EML1: variants seen among roughly 807,000 people sequenced by gnomAD.
EML1 encodes EMAP like 1.
In EML1, 27 loss-of-function variants were observed where a neutral mutation model predicts 110.4. That is an observed-to-expected ratio of 0.24 (90% CI 0.18 to 0.34). The LOEUF (loss-of-function observed/expected upper bound fraction) is 0.34, where lower values mean the gene tolerates loss of function less well. EML1 is among the 10% of genes least tolerant of loss of function. The probability of loss-of-function intolerance (pLI) is 1.00; values close to 1 mark genes in which losing one functional copy is unlikely to be tolerated. For synonymous variants in EML1, 344 were observed against 385.8 expected, an observed-to-expected ratio of 0.89 and a Z score of 1.27; for missense variants, 741 against 1,030.9, an observed-to-expected ratio of 0.72 and a Z score of 3.85.
chr14:99,849,281 G>C (rs1047144726), intron 1 of EML1, among the ~76,000 whole-genome samples: 11 of 152,254 alleles, frequency 7.2e-5, no homozygotes, highest in African/African-American at 2.4e-4. Flanking sequence ...GTACTTTAAA[G>C]ATGTAGTTCC....
chr14:99,813,665 G>A (rs890672136), intron 1 of EML1, among the ~76,000 whole-genome samples: 2 of 152,102 alleles, frequency 1.3e-5, no homozygotes, highest in Non-Finnish European at 1.5e-5. Flanking sequence ...CTACAATCAT[G>A]CCACAGCTCT....
At chr14:99,859,024 A>G (rs1299892860) in intron 2 of EML1, among the ~76,000 whole-genome samples, 1 of 152,244 alleles carries the variant, frequency 6.6e-6, no homozygotes, top group Non-Finnish European at 1.5e-5. Context: ...TATCAAAAAA[A>G]TGCATTAGTA....
intron 4 of EML1, among the ~76,000 whole-genome samples, chr14:99,879,187 A>G (rs1370594500): frequency 6.6e-6 from 1 of 152,172 alleles, no homozygotes; most frequent in East Asian, 1.9e-4. Context: ...ATGGATTATG[A>G]TAAGTATCAG....
At chr14:99,803,652 C>T (rs2057921056) in intron 1 of EML1, among the ~76,000 whole-genome samples, 1 of 152,234 alleles carries the variant, frequency 6.6e-6, no homozygotes, top group Non-Finnish European at 1.5e-5. Flanking sequence ...GGTGGTTTCA[C>T]TGGCTTAAAA....
upstream of EML1, among the ~76,000 whole-genome samples, chr14:99,772,025 G>A (rs963809296): frequency 6.6e-6 from 1 of 152,122 alleles, no homozygotes; most frequent in African/African-American, 2.4e-5. Context: ...GGTATGTGTC[G>A]ATTGACCGTT....
At chr14:99,756,269 G>A (rs528343872) in intron 1 of EML1, among the ~76,000 whole-genome samples, 22 of 152,342 alleles carry the variant, frequency 1.4e-4, no homozygotes, top group Admixed American at 1.4e-3. Flanking sequence ...ACTTAAGGGG[G>A]TTTGGTGGTG....
At chr14:99,924,183 T>TC (rs1340934672) in intron 17 of EML1, among the ~76,000 whole-genome samples, 3 of 152,184 alleles carry the variant, frequency 2.0e-5, no homozygotes, top group Admixed American at 1.3e-4. Context: ...AATAAGTGTT[T>TC]TTTTTATGCC....
intron 5 of EML1, among the ~76,000 whole-genome samples, chr14:99,893,268 G>A (rs1191999318): frequency 6.6e-6 from 1 of 151,842 alleles, no homozygotes; most frequent in Non-Finnish European, 1.5e-5. Context: ...CCGTAAACCT[G>A]GTTTGGGCCT....
chr14:99,872,484 TTACTC>T (rs2059222540), intron 3 of EML1, among the ~76,000 whole-genome samples: 1 of 152,204 alleles, frequency 6.6e-6, no homozygotes, highest in African/African-American at 2.4e-5. Flanking sequence ...ATCCGTTTGA[TTACTC>T]TAATAAGCTA....
intron 17 of EML1, among the ~76,000 whole-genome samples, chr14:99,926,284 G>GTT (rs11407717): frequency 2.0e-3 from 303 of 149,288 alleles, no homozygotes; most frequent in African/African-American, 6.2e-3. Flanking sequence ...GTTTTTTGGG[G>GTT]TTTTTTTTTT....
chr14:99,828,134 C>T (rs1190616344), intron 1 of EML1, among the ~76,000 whole-genome samples: 1 of 152,126 alleles, frequency 6.6e-6, no homozygotes, highest in Non-Finnish European at 1.5e-5. Context: ...CTTGTTAGCT[C>T]TTTTGTTTTG....
intron 1 of EML1, among the ~76,000 whole-genome samples, chr14:99,749,932 G>C (rs1001643637): frequency 1.3e-5 from 2 of 152,226 alleles, no homozygotes; most frequent in Non-Finnish European, 2.9e-5. Context: ...GGGTGACATC[G>C]TGCTCCTTGG....
At chr14:99,791,531 C>T, upstream of EML1, among the ~76,000 whole-genome samples, 1 of 152,304 alleles carries the variant, frequency 6.6e-6, no homozygotes, top group South Asian at 2.1e-4. Context: ...AATCTCAATT[C>T]TTTCTCTCCA....
intron 5 of EML1, among the ~76,000 whole-genome samples, chr14:99,893,454 C>G (rs989125130): frequency 1.3e-5 from 2 of 152,206 alleles, no homozygotes; most frequent in African/African-American, 4.8e-5. Flanking sequence ...GTTCATGACT[C>G]TCACTCAACG....
chr14:99,850,953 A>G lies in EML1; in HGVS notation c.168A>G (p.Lys56=). Reference sequence around the variant, plus strand: ...AAGAAGACGACATCCAGCTGCTCAAATCAGCTCTAGCTGATGTGGTTCGGC... The same window carrying G: ...AAGAAGACGACATCCAGCTGCTCAAGTCAGCTCTAGCTGATGTGGTTCGGC... ...QMQEDDIQLL[K]SALADVVRRL... The change falls in exon 2 of 22, where the codon AAA becomes AAG. Residue 56 remains lysine (K), a synonymous_variant. Transcript: ENST00000262233. The G allele has an allele frequency of 6.2e-7, 1 of 1,614,220 alleles. No individual in the cohort carries two copies.
intron 1 of EML1, among the ~76,000 whole-genome samples, chr14:99,780,703 T>A (rs1293523286): frequency 6.6e-6 from 1 of 152,176 alleles, no homozygotes; most frequent in African/African-American, 2.4e-5. Flanking sequence ...TGACACTGTA[T>A]TTTTAATATA....
intron 17 of EML1, 145 bp downstream of exon 17, chr14:99,921,022 G>A (rs959014699): frequency 7.3e-6 from 5 of 681,192 alleles, no homozygotes; most frequent in African/African-American, 3.7e-5. Flanking sequence ...CATCACCCAC[G>A]TATTAAGCCC....
chr14:99,940,248 T>C lies in EML1; in HGVS notation c.*136T>C, dbSNP rs1037793081. The C allele has an allele frequency of 1.6e-6, 2 of 1,244,154 alleles. No homozygotes were observed. The highest frequency in any genetic ancestry group is 1.5e-5 in the African/African-American group (1 of 64,830). 77.1% of individuals were successfully genotyped at this position (1,244,154 alleles called of 1,614,324 possible). A position where few individuals can be genotyped will look rare whatever the true frequency, so the allele number is the denominator to read the frequency against. ...AAACTGTGCCCTCCGCCGGCTACCTTAGCTTAGCGTGTCAGCGGGCGCCAC... is the reference window on the plus strand; with the variant it reads ...AAACTGTGCCCTCCGCCGGCTACCTCAGCTTAGCGTGTCAGCGGGCGCCAC... On this transcript the variant is annotated 3_prime_UTR_variant, in exon 22 of 22. Coordinates refer to ENST00000262233, the MANE Select transcript of EML1 (RefSeq NM_004434.3).
chr14:99,841,774 G>T (rs1454803864), intron 1 of EML1, among the ~76,000 whole-genome samples: 4 of 152,074 alleles, frequency 2.6e-5, no homozygotes, highest in African/African-American at 9.7e-5. Flanking sequence ...TCTACCCTGT[G>T]CCCATAGAGT....
Sources: allele counts gnomAD v4.1 joint callset (sites outside exome capture counted in the v4.1 genomes callset), GRCh38; gene constraint gnomAD v4.1.1; transcripts MANE v1.5; gene names NCBI Gene and HGNC (gene_info 2026-07-23, HGNC 2026-07-21).